MBTPS1: variants seen among roughly 807,000 people sequenced by gnomAD.
MBTPS1 encodes membrane bound transcription factor peptidase, site 1.
A neutral mutation model predicts 127.8 loss-of-function variants in MBTPS1; 94 were observed. The observed-to-expected ratio is 0.74, with a 90% CI of 0.62 to 0.87. The LOEUF (loss-of-function observed/expected upper bound fraction) is 0.87, where lower values mean the gene tolerates loss of function less well. MBTPS1 is among the 40% of genes least tolerant of loss of function. The pLI, the probability that MBTPS1 is intolerant of heterozygous loss-of-function variation, is 0.00. For synonymous variants in MBTPS1, 632 were observed against 509.4 expected (o/e 1.24, Z -3.24); for missense variants, 1,636 against 1,353.2 (o/e 1.21, Z -3.28).
At chr16:84,078,292 G>C (rs988318539) in intron 11 of MBTPS1, among the ~76,000 whole-genome samples, 1 of 147,530 alleles carries the variant, frequency 6.8e-6, no homozygotes, top group Non-Finnish European at 1.5e-5. Flanking sequence ...CGGACCAGCA[G>C]TGCCACCTTA....
intron 4 of MBTPS1, among the ~76,000 whole-genome samples, chr16:84,095,327 C>T (rs12448070): frequency 0.081 from 12,271 of 152,250 alleles, 685 homozygotes; most frequent in Non-Finnish European, 0.12. Context: ...TCCCTTCTAA[C>T]CTCAGAAATG....
At chr16:84,077,657 G>A (rs983056898) in intron 11 of MBTPS1, among the ~76,000 whole-genome samples, 1 of 152,116 alleles carries the variant, frequency 6.6e-6, no homozygotes, top group African/African-American at 2.4e-5. Context: ...AGAAAACACA[G>A]GTGAATTTCT....
chr16:84,070,917 G>C (rs2085761441), intron 12 of MBTPS1, 141 bp from the exon 13 acceptor site: 1 of 656,816 alleles, frequency 1.5e-6, no homozygotes, highest in African/African-American at 1.8e-5. Flanking sequence ...TTTATACACA[G>C]ATACTAAGTA....
At chr16:84,071,313 A>G (rs1419543366) in intron 12 of MBTPS1, among the ~76,000 whole-genome samples, 1 of 152,230 alleles carries the variant, frequency 6.6e-6, no homozygotes, top group Non-Finnish European at 1.5e-5. Flanking sequence ...GGGAAGCGTG[A>G]GCAGAGGCCA....
At chr16:84,094,429 G>C (rs1166633420) in intron 4 of MBTPS1, among the ~76,000 whole-genome samples, 1 of 152,030 alleles carries the variant, frequency 6.6e-6, no homozygotes, top group Non-Finnish European at 1.5e-5. Flanking sequence ...TTCTATAATA[G>C]TAAGTCTATT....
intron 12 of MBTPS1, among the ~76,000 whole-genome samples, chr16:84,071,424 C>T (rs1488392672): frequency 1.3e-5 from 2 of 152,102 alleles, no homozygotes; most frequent in Non-Finnish European, 2.9e-5. Flanking sequence ...AACTTACTTC[C>T]CAAGTAAGCC....
chr16:84,099,658 G>C (rs764233901), intron 2 of MBTPS1, among the ~76,000 whole-genome samples: 1 of 151,802 alleles, frequency 6.6e-6, no homozygotes, highest in African/African-American at 2.4e-5. Context: ...GGTGGTGGGC[G>C]CCTATAATCC....
chr16:84,089,010 C>T (rs2151161048), intron 8 of MBTPS1, among the ~76,000 whole-genome samples: 1 of 152,356 alleles, frequency 6.6e-6, no homozygotes, highest in East Asian at 1.9e-4. Context: ...CTACGGAGTG[C>T]AACCACCCAC....
rs138475436 is a variant in MBTPS1, at chr16:84,101,793, C to T, written c.-10G>A. ...TGTTGACAAGCTTCATGGTCACAAG[C>T]GAATATGATCATAAAATTGCATATA... On this transcript the variant is annotated 5_prime_UTR_variant, in exon 2 of 23. Coordinates refer to ENST00000343411, the MANE Select transcript of MBTPS1 (RefSeq NM_003791.4). 152 of 1,599,664 alleles carry T rather than the reference C, an allele frequency of 9.5e-5. No homozygotes were observed. The African/African-American group carries it at 1.7e-3, about 17-fold the overall frequency.
chr16:84,068,529 G>A (rs946841351), intron 14 of MBTPS1, 75 bp from the exon 15 acceptor site: 25 of 1,065,738 alleles, frequency 2.3e-5, no homozygotes, highest in East Asian at 7.2e-5. Flanking sequence ...CCACAGGGCC[G>A]GCTCTGCAAG....
intron 1 of MBTPS1, among the ~76,000 whole-genome samples, chr16:84,103,103 G>C (rs1322925197): frequency 2.0e-5 from 3 of 152,112 alleles, no homozygotes; most frequent in Non-Finnish European, 4.4e-5. Flanking sequence ...AATGAAAACA[G>C]AGCGATAGTA....
chr16:84,072,986 A>G (rs1444022749), intron 12 of MBTPS1, among the ~76,000 whole-genome samples: 5 of 152,254 alleles, frequency 3.3e-5, no homozygotes, highest in Non-Finnish European at 1.5e-5. Context: ...ATTCAAAATA[A>G]AAGAAAACCA....
rs2151169202 is a variant in MBTPS1 at position 84,101,834 on chromosome 16, T to C, written c.-51A>G. 1 of 1,545,770 alleles carries C rather than the reference T, an allele frequency of 6.5e-7. No individual in the cohort carries two copies. The highest frequency in any genetic ancestry group is 8.8e-7 in the Non-Finnish European group (1 of 1,132,604). ...ATTGCATATATTCAAATCACACTTTTTTCTTCTTGATTAAAAGTGAATTTT... is the reference window on the plus strand; with the variant it reads ...ATTGCATATATTCAAATCACACTTTCTTCTTCTTGATTAAAAGTGAATTTT... On this transcript the variant is annotated 5_prime_UTR_variant, in exon 2 of 23. Coordinates refer to ENST00000343411, the MANE Select transcript of MBTPS1 (RefSeq NM_003791.4).
chr16:84,095,534 C>G, intron 4 of MBTPS1, 68 bp downstream of exon 4: 1 of 1,548,014 alleles, frequency 6.5e-7, no homozygotes, highest in Non-Finnish European at 8.9e-7. Context: ...GGACTTTCCG[C>G]GCCTTCCCTG....
chr16:84,105,046 G>A (rs565191822), intron 1 of MBTPS1, among the ~76,000 whole-genome samples: 2 of 151,876 alleles, frequency 1.3e-5, no homozygotes, highest in East Asian at 3.9e-4. Context: ...AGGTTGCAGT[G>A]AGCTGAGATT....
intron 17 of MBTPS1, among the ~76,000 whole-genome samples, chr16:84,066,010 A>T (rs966978201): frequency 6.6e-6 from 1 of 152,238 alleles, no homozygotes; most frequent in African/African-American, 2.4e-5. Flanking sequence ...AAAGAAAAAT[A>T]CTATTAACAT....
intron 21 of MBTPS1, among the ~76,000 whole-genome samples, chr16:84,059,010 A>T (rs2085565449): frequency 6.6e-6 from 1 of 152,194 alleles, no homozygotes; most frequent in African/African-American, 2.4e-5. Flanking sequence ...CAACCACAGG[A>T]CTTAGAGCTC....
intron 2 of MBTPS1, among the ~76,000 whole-genome samples, chr16:84,101,242 G>A (rs1205691903): frequency 6.6e-6 from 1 of 152,126 alleles, no homozygotes; most frequent in Non-Finnish European, 1.5e-5. Flanking sequence ...GGAAGTTGCA[G>A]TGAACCGAGA....
At chr16:84,072,467 T>C (rs1359209486) in intron 12 of MBTPS1, among the ~76,000 whole-genome samples, 1 of 152,222 alleles carries the variant, frequency 6.6e-6, no homozygotes, top group African/African-American at 2.4e-5. Context: ...ATCTCAATTT[T>C]TTAAAACACT....
Sources: allele counts gnomAD v4.1 joint callset (sites outside exome capture counted in the v4.1 genomes callset), GRCh38; gene constraint gnomAD v4.1.1; transcripts MANE v1.5; gene names NCBI Gene and HGNC (gene_info 2026-07-23, HGNC 2026-07-21).